The following ATAD2 variants were observed in gnomAD, a reference collection of about 807,000 sequenced individuals.
ATAD2 encodes the protein ATPase family AAA domain-containing protein 2.
Under a neutral mutation model 168.9 loss-of-function variants are expected in ATAD2, and 62 were observed. The observed-to-expected ratio is 0.37, with a 90% CI of 0.30 to 0.45. ATAD2 has a LOEUF of 0.45. Among genes scored for constraint, ATAD2 ranks in the 20% least tolerant of loss-of-function variants. ATAD2 has a pLI of 1.00. For synonymous variants in ATAD2, 613 were observed against 571.6 expected (o/e 1.07, Z -1.03); for missense variants, 1,419 against 1,667.8 (o/e 0.85, Z 2.60).
chr8:123,400,323 T>G (rs1402931484), upstream of ATAD2, among the ~76,000 whole-genome samples: 1 of 152,114 alleles, frequency 6.6e-6, no homozygotes, highest in Non-Finnish European at 1.5e-5. This position sits in a 1 kb window ranked among gnomAD's most constrained non-coding sequence, Gnocchi z 4.5. Flanking sequence ...TCCAAAATAG[T>G]TGAAAATGCT....
At position 123,363,136 on chromosome 8, in the gene ATAD2, A is replaced by G. The variant is rs1173295349; in HGVS notation, c.1050-1490T>C. Among the ~76,000 whole-genome samples, 3 of 152,182 alleles carry G rather than the reference A, an allele frequency of 2.0e-5. No homozygotes were observed. The East Asian group carries it at 5.8e-4, about 29-fold the overall frequency. On this transcript the variant is annotated intron_variant, in intron 8 of 27. Coordinates refer to ENST00000287394, the MANE Select transcript of ATAD2 (RefSeq NM_014109.4). ...TCTGAGTCAGAGTGCAATGATGGTAAGTAAGTATTTCCAAAAATACAAAAG... is the reference window on the plus strand; with the variant it reads ...TCTGAGTCAGAGTGCAATGATGGTAGGTAAGTATTTCCAAAAATACAAAAG...
intron 24 of ATAD2, among the ~76,000 whole-genome samples, chr8:123,332,246 CCA>C (rs1347794697): frequency 6.6e-6 from 1 of 152,048 alleles, no homozygotes; most frequent in Non-Finnish European, 1.5e-5. Context: ...TGAAAAAAAT[CCA>C]CACATATGTG....
At chr8:123,414,219 T>G (rs947962521) in intron 1 of ATAD2, among the ~76,000 whole-genome samples, 1 of 152,000 alleles carries the variant, frequency 6.6e-6, no homozygotes, top group African/African-American at 2.4e-5. Flanking sequence ...CTAAGTACTT[T>G]ATATACATAA....
intron 1 of ATAD2, among the ~76,000 whole-genome samples, chr8:123,389,986 T>TATATATATA (rs58743148): frequency 0.076 from 5,066 of 66,372 alleles, 135 homozygotes; most frequent in Non-Finnish European, 0.099. Context: ...ATATATATAT[T>TATATATATA]TTTTTTTTTT....
intron 1 of ATAD2, among the ~76,000 whole-genome samples, chr8:123,389,580 C>T (rs1829754029): frequency 6.6e-6 from 1 of 151,488 alleles, no homozygotes; most frequent in Admixed American, 6.6e-5. Context: ...GAGGAGCTTG[C>T]AGTGAGCCCA....
Position 123,334,532 on chromosome 8 carries a change from A to T in ATAD2, c.3212-210T>A, listed in dbSNP as rs74787947. Among the ~76,000 whole-genome samples the T allele has an allele frequency of 2.1e-3, 322 of 152,202 alleles. 1 individual carries two copies. Among genetic ancestry groups the T allele is most frequent in the African/African-American group, 7.6e-3 (316 of 41,536 alleles). On this transcript the variant is annotated intron_variant, in intron 22 of 27. Coordinates refer to ENST00000287394, the MANE Select transcript of ATAD2 (RefSeq NM_014109.4). ...GATTCAATATGGCAAACTAAACCCAAACAATTTTACTGCTCTGTCCTGTTC... is the reference window on the plus strand; with the variant it reads ...GATTCAATATGGCAAACTAAACCCATACAATTTTACTGCTCTGTCCTGTTC...
intron 25 of ATAD2, among the ~76,000 whole-genome samples, chr8:123,327,700 C>A (rs1253850144): frequency 6.6e-6 from 1 of 152,060 alleles, no homozygotes; most frequent in Admixed American, 6.6e-5. Flanking sequence ...ATTTGGGGAG[C>A]AGATCAGTAG....
upstream of ATAD2, among the ~76,000 whole-genome samples, chr8:123,397,420 G>C (rs952127390): frequency 4.6e-5 from 7 of 152,082 alleles, no homozygotes; most frequent in Admixed American, 4.6e-4. Context: ...TGATACCTTG[G>C]AGCCGTGCTT....
At chr8:123,377,106 A>AAAAAAAAAAAAAAAAAAAC (rs1829341069) in intron 2 of ATAD2, among the ~76,000 whole-genome samples, 1 of 144,996 alleles carries the variant, frequency 6.9e-6, no homozygotes, top group Non-Finnish European at 1.5e-5. Context: ...AAAAAAAAAA[A>AAAAAAAAAAAAAAAAAAAC]AAAAAAGAGC....
intron 8 of ATAD2, among the ~76,000 whole-genome samples, chr8:123,362,675 C>G (rs1828862396): frequency 6.6e-6 from 1 of 152,058 alleles, no homozygotes; most frequent in Non-Finnish European, 1.5e-5. Flanking sequence ...CTCAGCCTCC[C>G]AAAGTGCTGG....
chr8:123,331,628 T>C (rs1026863858), intron 24 of ATAD2, among the ~76,000 whole-genome samples: 1 of 152,218 alleles, frequency 6.6e-6, no homozygotes, highest in African/African-American at 2.4e-5. Context: ...TCAATCTATG[T>C]TACATAACAA....
chr8:123,329,169 T>A (rs1380324830), intron 24 of ATAD2, among the ~76,000 whole-genome samples: 1 of 152,148 alleles, frequency 6.6e-6, no homozygotes, highest in African/African-American at 2.4e-5. Context: ...AATGCATATT[T>A]TGCAAAGATC....
At chr8:123,390,365 C>G (rs954746568) in intron 1 of ATAD2, among the ~76,000 whole-genome samples, 7 of 152,062 alleles carry the variant, frequency 4.6e-5, no homozygotes, top group Non-Finnish European at 1.0e-4. Context: ...CTCATCAGAT[C>G]CCTGTTCTAG....
chr8:123,396,483 C>CTTTTTTAATGATACG, upstream of ATAD2: 1 of 1,075,156 alleles, frequency 9.3e-7, no homozygotes, highest in South Asian at 1.7e-5. Context: ...CCGCAGCGCG[C>CTTTTTTAATGATACG]GCGCCCAGAA....
intron 6 of ATAD2, among the ~76,000 whole-genome samples, chr8:123,370,620 C>T (rs931527960): frequency 9.2e-5 from 14 of 152,038 alleles, no homozygotes; most frequent in Non-Finnish European, 1.8e-4. Context: ...TAACTTTAAT[C>T]ACCTTTAAAC....
At chr8:123,373,000 C>G (rs1224192927) in intron 2 of ATAD2, among the ~76,000 whole-genome samples, 1 of 151,626 alleles carries the variant, frequency 6.6e-6, no homozygotes, top group Non-Finnish European at 1.5e-5. Flanking sequence ...TCACGCCATT[C>G]TCCTGCCTCA....
intron 1 of ATAD2, among the ~76,000 whole-genome samples, chr8:123,405,532 G>A (rs765357352): frequency 2.6e-5 from 4 of 152,054 alleles, no homozygotes; most frequent in Non-Finnish European, 4.4e-5. Flanking sequence ...CCGAAGTGCT[G>A]GGATTACAGA....
chr8:123,385,277 T>G (rs957634612), intron 1 of ATAD2, among the ~76,000 whole-genome samples: 9 of 151,994 alleles, frequency 5.9e-5, no homozygotes, highest in Admixed American at 2.0e-4. Flanking sequence ...TAAAATGCAG[T>G]GGGTTAAGTG....
At chr8:123,327,555 C>T (rs938882832) in intron 25 of ATAD2, among the ~76,000 whole-genome samples, 1 of 151,432 alleles carries the variant, frequency 6.6e-6, no homozygotes, top group Non-Finnish European at 1.5e-5. Flanking sequence ...TTATTTTTGA[C>T]CAAAATAAAT....
Sources: allele counts gnomAD v4.1 joint callset (sites outside exome capture counted in the v4.1 genomes callset), GRCh38; gene constraint gnomAD v4.1.1; non-coding constraint Gnocchi (gnomAD v3.1); transcripts MANE v1.5; gene names NCBI Gene and HGNC (gene_info 2026-07-23, HGNC 2026-07-21).